ANKRD46: variants seen among roughly 807,000 people sequenced by gnomAD.
The protein encoded by ANKRD46 is ankyrin repeat domain-containing protein 46.
A neutral mutation model predicts 19.8 loss-of-function variants in ANKRD46; 13 were observed. The ratio of observed to expected loss-of-function variants is 0.66; its 90% CI spans 0.43 to 1.04. ANKRD46 has a LOEUF of 1.04. ANKRD46 is among the 50% of genes least tolerant of loss of function. ANKRD46 has a pLI of 0.00. For missense variants in ANKRD46, 185 were observed against 274.8 expected (o/e 0.67, Z 2.31); for synonymous variants, 91 against 106.9 (o/e 0.85, Z 0.92).
chr8:100,514,202 A>T (rs1243273770), intron 5 of ANKRD46, among the ~76,000 whole-genome samples: 2 of 152,200 alleles, frequency 1.3e-5, no homozygotes, highest in African/African-American at 4.8e-5. Flanking sequence ...GGACACATAA[A>T]AACACAAAAG....
rs1298982560 is a variant in ANKRD46 at position 100,521,635 on chromosome 8, T to G, written c.*920A>C. On this transcript the variant is annotated 3_prime_UTR_variant, in exon 5 of 5. Coordinates refer to ENST00000335659, the MANE Select transcript of ANKRD46 (RefSeq NM_001270377.2). ...GTCTAACAGGGCCTCCAAATAGGAT[T>G]GCACATGAAATAATTATGAACTATG... The G allele has an allele frequency of 1.0e-6, 1 of 985,330 alleles. No individual in the cohort carries two copies. Among genetic ancestry groups the G allele is most frequent in the Admixed American group, 6.1e-5 (1 of 16,266 alleles). The allele number at this position is 985,330 out of a possible 1,614,324, so 61.0% of individuals were successfully genotyped here.
intron 1 of ANKRD46, among the ~76,000 whole-genome samples, chr8:100,553,284 T>C (rs1586804941): frequency 1.3e-5 from 2 of 152,240 alleles, no homozygotes; most frequent in South Asian, 4.1e-4. Context: ...ATGGGCAAAA[T>C]ACAGCCAAAA....
rs1470077635 is a variant in ANKRD46 at position 100,545,898 on chromosome 8, CT to C, written c.-130-12588del. ...CAAAAAGACTGGTGGCATTTTGCCC[CT>C]GACCTAGAGATCTGCGGAACTTTGA... On this transcript the variant is annotated intron_variant, in intron 1 of 4. Coordinates refer to ENST00000335659, the MANE Select transcript of ANKRD46 (RefSeq NM_001270377.2). This position sits in a 1 kb window ranked among gnomAD's most constrained non-coding sequence, Gnocchi z 4.7. Among the ~76,000 whole-genome samples, 31 of 152,216 alleles carry C rather than the reference CT, an allele frequency of 2.0e-4. No individual in the cohort carries two copies. Among genetic ancestry groups the C allele is most frequent in the Admixed American group, 2.0e-3 (31 of 15,282 alleles).
In ANKRD46 at chr8:100,527,836, C is replaced by T. The variant is rs1408242503; in HGVS notation, c.470+9G>A. The T allele has an allele frequency of 6.2e-7, 1 of 1,611,160 alleles. No homozygotes were observed. The highest frequency in any genetic ancestry group is 1.1e-5 in the South Asian group (1 of 90,600). The stretch of plus-strand genomic sequence containing the variant: ...TACAGTGAGAAAAAAAAAGTTGTAT[C>T]TCCAGTACCTTTCACTCTCAGCTGT... On this transcript the variant is annotated intron_variant, in intron 4 of 4. Transcript: ENST00000335659. The surrounding 1 kb of genome is among the most constrained non-coding windows in gnomAD (Gnocchi z 4.0).
chr8:100,528,173 G>A (rs1259169060), intron 3 of ANKRD46, among the ~76,000 whole-genome samples, 170 bp from the exon 4 acceptor site: 1 of 152,094 alleles, frequency 6.6e-6, no homozygotes, highest in Admixed American at 6.6e-5. Flanking sequence ...GGAGTATTTG[G>A]CTCACTACAA....
intron 1 of ANKRD46, among the ~76,000 whole-genome samples, chr8:100,555,015 C>CAA (rs199686994): frequency 1.0e-4 from 11 of 105,850 alleles, no homozygotes; most frequent in African/African-American, 3.0e-4. Context: ...ACTCCATCTC[C>CAA]AAAAAAAAAA....
intron 2 of ANKRD46, among the ~76,000 whole-genome samples, chr8:100,530,803 G>A (rs1811945759): frequency 6.6e-6 from 1 of 152,174 alleles, no homozygotes; most frequent in African/African-American, 2.4e-5. Flanking sequence ...GCTGTGCTCT[G>A]TGGTTATCTC....
rs1438268621 is a variant in ANKRD46 at position 100,522,400 on chromosome 8, C to T, written c.*155G>A. 5 of 1,437,118 alleles carry T rather than the reference C, an allele frequency of 3.5e-6. No homozygotes were observed. In the African/African-American group the frequency reaches 5.7e-5, roughly 16 times the overall value. The allele number at this position is 1,437,118 out of a possible 1,614,324, so 89.0% of individuals were successfully genotyped here. On this transcript the variant is annotated 3_prime_UTR_variant, in exon 5 of 5. Coordinates refer to ENST00000335659, the MANE Select transcript of ANKRD46 (RefSeq NM_001270377.2). Reference sequence around the variant, plus strand: ...ATAGTATGTAGTTAGTTCAAATGAACACATCATTATCTAAAAGGATTACAA... The same window carrying T: ...ATAGTATGTAGTTAGTTCAAATGAATACATCATTATCTAAAAGGATTACAA...
At chr8:100,514,020 A>T (rs1456999782) in intron 5 of ANKRD46, among the ~76,000 whole-genome samples, 1 of 152,250 alleles carries the variant, frequency 6.6e-6, no homozygotes, top group Non-Finnish European at 1.5e-5. Context: ...TAATCCCCAA[A>T]GAAAGGGAGT....
intron 1 of ANKRD46, among the ~76,000 whole-genome samples, chr8:100,540,212 C>T (rs1410820789): frequency 1.3e-5 from 2 of 150,778 alleles, no homozygotes; most frequent in Non-Finnish European, 3.0e-5. Context: ...AAAAAAGTCA[C>T]TAAGTTTGTT....
chr8:100,531,034 A>T (rs943390683), intron 2 of ANKRD46, among the ~76,000 whole-genome samples: 19 of 152,262 alleles, frequency 1.2e-4, no homozygotes, highest in Middle Eastern at 3.4e-3. Flanking sequence ...GTGAGAGTTC[A>T]GCATCTGCCT....
At position 100,532,596 on chromosome 8, in the gene ANKRD46, G is replaced by A. The variant is rs1458758369; in HGVS notation, c.-28+613C>T. 6.6e-6 allele frequency: 1 copy of A among 152,174 alleles called. No individual in the cohort carries two copies. The highest frequency in any genetic ancestry group is 2.4e-5 in the African/African-American group (1 of 41,430). 9.4% of individuals were successfully genotyped at this position (152,174 alleles called of 1,614,324 possible). A position where few individuals can be genotyped will look rare whatever the true frequency, so the allele number is the denominator to read the frequency against. On this transcript the variant is annotated intron_variant, in intron 2 of 4. Transcript: ENST00000335659. The surrounding 1 kb of genome is among the most constrained non-coding windows in gnomAD (Gnocchi z 4.7). The stretch of plus-strand genomic sequence containing the variant: ...CTAAATATTTTCCCTTACAGCAAGG[G>A]TGTCCAACATTTCGGCTTCCCTGGG...
rs958978426 is a variant in ANKRD46 at position 100,544,184 on chromosome 8, C to T, written c.-130-10873G>A. The stretch of plus-strand genomic sequence containing the variant: ...CTACCCCAAGCAGCAAGAAATCTGC[C>T]CATACAACCATCCCTAACTCTCTTC... On this transcript the variant is annotated intron_variant, in intron 1 of 4. Coordinates refer to ENST00000335659, the MANE Select transcript of ANKRD46 (RefSeq NM_001270377.2). This position sits in a 1 kb window ranked among gnomAD's most constrained non-coding sequence, Gnocchi z 4.4. 6.6e-6 allele frequency among the ~76,000 whole-genome samples: 1 copy of T among 152,124 alleles called. No homozygotes were observed. The highest frequency in any genetic ancestry group is 2.4e-5 in the African/African-American group (1 of 41,424).
downstream of ANKRD46, among the ~76,000 whole-genome samples, chr8:100,515,868 G>GT (rs1371274884): frequency 4.0e-4 from 59 of 147,870 alleles, no homozygotes; most frequent in East Asian, 1.0e-3. Flanking sequence ...CCAGTAACTT[G>GT]TTTTTGTTTT....
chr8:100,552,722 C>A (rs890763373), intron 1 of ANKRD46, among the ~76,000 whole-genome samples: 4 of 152,156 alleles, frequency 2.6e-5, no homozygotes, highest in African/African-American at 7.2e-5. Context: ...AAATGAGATA[C>A]CTAAAATTGC....
chr8:100,555,856 T>A (rs1340937377), intron 1 of ANKRD46, among the ~76,000 whole-genome samples: 1 of 151,016 alleles, frequency 6.6e-6, no homozygotes, highest in East Asian at 2.0e-4. Flanking sequence ...AATATTTTAA[T>A]CATTTTACAT....
At chr8:100,541,189 C>A (rs1425080113) in intron 1 of ANKRD46, among the ~76,000 whole-genome samples, 1 of 151,632 alleles carries the variant, frequency 6.6e-6, no homozygotes, top group African/African-American at 2.4e-5. Context: ...AAATATGATT[C>A]CAGGCCTATT....
At chr8:100,514,611 CA>C (rs1563922845) in intron 5 of ANKRD46, among the ~76,000 whole-genome samples, 3 of 76,034 alleles carry the variant, frequency 3.9e-5, no homozygotes, top group African/African-American at 1.8e-4. Flanking sequence ...GTTATTCCTC[CA>C]TCTTCTTTTT....
chr8:100,547,300 G>A (rs1294679776), intron 1 of ANKRD46, among the ~76,000 whole-genome samples: 1 of 152,142 alleles, frequency 6.6e-6, no homozygotes, highest in Admixed American at 6.5e-5. Context: ...TTTTCCCCAT[G>A]CTGTTTTCAT....
Sources: allele counts gnomAD v4.1 joint callset (sites outside exome capture counted in the v4.1 genomes callset), GRCh38; gene constraint gnomAD v4.1.1; non-coding constraint Gnocchi (gnomAD v3.1); transcripts MANE v1.5; gene names NCBI Gene and HGNC (gene_info 2026-07-23, HGNC 2026-07-21).